The following OR1J2 variants were observed in gnomAD, a reference collection of about 807,000 sequenced individuals.
OR1J2 encodes the protein olfactory receptor family 1 subfamily J member 2.
For missense variants in OR1J2, 304 were observed against 246.1 expected, an observed-to-expected ratio of 1.24 and a Z score of -1.57; for synonymous variants, 142 against 99.7, an observed-to-expected ratio of 1.42 and a Z score of -2.52.
the OR1J2 span, among the ~76,000 whole-genome samples, chr9:122,557,360 T>A: frequency 6.6e-6 from 1 of 152,150 alleles, no homozygotes. Context: ...CTGTAGTTTT[T>A]AAAATAGATA....
the OR1J2 span, among the ~76,000 whole-genome samples, chr9:122,478,309 T>G: frequency 6.6e-6 from 1 of 152,192 alleles, no homozygotes; most frequent in Non-Finnish European, 1.5e-5. Flanking sequence ...AGTCTTATAG[T>G]CACAGCAATA....
At chr9:122,571,035 A>G in the OR1J2 span, among the ~76,000 whole-genome samples, 1 of 152,208 alleles carries the variant, frequency 6.6e-6, no homozygotes, top group African/African-American at 2.4e-5. Flanking sequence ...AGCTATACAT[A>G]TCTTACAATC....
At chr9:122,535,677 G>A in the OR1J2 span, among the ~76,000 whole-genome samples, 8 of 152,168 alleles carry the variant, frequency 5.3e-5, no homozygotes, top group Non-Finnish European at 8.8e-5. Context: ...TCTTTCTCAC[G>A]GAGCAAAAAG....
rs751411248 is a variant in OR1J2, at chr9:122,511,327, C to A, written c.526C>A (p.His176Asn). The change falls in exon 1 of 1, where the codon CAT becomes AAT. Residue 176 changes from histidine to asparagine, a missense_variant. Physicochemically the swap from His to Asn is moderately conservative, Grantham distance 68. Transcript: ENST00000335302. ...LSFCAANTIPHVFCDLAALLK... is the reference protein window; with the variant it reads ...LSFCAANTIPNVFCDLAALLK... ...TTTCTGTGCTGCGAACACCATCCCC[C>A]ATGTCTTCTGTGACCTTGCTGCCCT... 1 of 728,570 alleles carries A rather than the reference C, an allele frequency of 1.4e-6. No homozygotes were observed. Among genetic ancestry groups the A allele is most frequent in the African/African-American group, 1.7e-5 (1 of 57,666 alleles). 45.1% of individuals were successfully genotyped at this position (728,570 alleles called of 1,614,324 possible). A position where few individuals can be genotyped will look rare whatever the true frequency, so the allele number is the denominator to read the frequency against.
the OR1J2 span, among the ~76,000 whole-genome samples, chr9:122,484,789 T>C: frequency 6.6e-6 from 1 of 151,938 alleles, no homozygotes; most frequent in Non-Finnish European, 1.5e-5. Flanking sequence ...TCCTAACACT[T>C]TGGGAGGCTG....
the OR1J2 span, among the ~76,000 whole-genome samples, chr9:122,465,198 A>C: frequency 1.3e-5 from 2 of 152,152 alleles, no homozygotes; most frequent in African/African-American, 4.8e-5. Flanking sequence ...CAGTCTCAAG[A>C]AAAATTTTGC....
the OR1J2 span, among the ~76,000 whole-genome samples, chr9:122,517,809 C>G: frequency 6.6e-6 from 1 of 151,988 alleles, no homozygotes; most frequent in Non-Finnish European, 1.5e-5. Context: ...CTGCACCTAT[C>G]AACCCCATCA....
At chr9:122,487,825 C>T in the OR1J2 span, among the ~76,000 whole-genome samples, 2 of 152,092 alleles carry the variant, frequency 1.3e-5, no homozygotes, top group African/African-American at 4.8e-5. Context: ...TTGCCGGACA[C>T]CAAGGACAGT....
chr9:122,488,131 T>C, the OR1J2 span, among the ~76,000 whole-genome samples: 1 of 152,066 alleles, frequency 6.6e-6, no homozygotes, highest in Non-Finnish European at 1.5e-5. Flanking sequence ...GTTTTTTGTT[T>C]GTTTGTTTTG....
the OR1J2 span, among the ~76,000 whole-genome samples, chr9:122,489,802 G>A: frequency 6.6e-6 from 1 of 152,066 alleles, no homozygotes; most frequent in Non-Finnish European, 1.5e-5. Context: ...CTCAGTTGTA[G>A]GAAAATACCC....
At chr9:122,518,875 G>A in the OR1J2 span, among the ~76,000 whole-genome samples, 3 of 152,158 alleles carry the variant, frequency 2.0e-5, no homozygotes, top group East Asian at 3.8e-4. Context: ...CTGCTAATAC[G>A]GTGTGAAGCT....
At chr9:122,448,362 C>T in the OR1J2 span, among the ~76,000 whole-genome samples, 1 of 152,184 alleles carries the variant, frequency 6.6e-6, no homozygotes, top group South Asian at 2.1e-4. Flanking sequence ...CAGTTTTTCT[C>T]CTACCTCAGA....
At chr9:122,476,486 A>C in the OR1J2 span, among the ~76,000 whole-genome samples, 2 of 152,204 alleles carry the variant, frequency 1.3e-5, no homozygotes, top group African/African-American at 2.4e-5. Flanking sequence ...AGAGCAAACA[A>C]AGTCCTATAC....
At chr9:122,526,301 G>T in the OR1J2 span, 1 of 1,084,766 alleles carries the variant, frequency 9.2e-7, no homozygotes, top group African/African-American at 1.6e-5. Flanking sequence ...CCAAAATGAA[G>T]CCCGTTTGTC....
At chr9:122,554,927 GATAA>G in the OR1J2 span, among the ~76,000 whole-genome samples, 5 of 152,006 alleles carry the variant, frequency 3.3e-5, no homozygotes, top group Admixed American at 3.3e-4. Context: ...AATCAAAAAT[GATAA>G]ATCAAGCATG....
the OR1J2 span, chr9:122,520,171 C>A: frequency 1.1e-6 from 1 of 880,540 alleles, no homozygotes; most frequent in Non-Finnish European, 1.7e-6. Flanking sequence ...GATAAGTGCT[C>A]AGTAACTCTC....
chr9:122,579,191 G>A, the OR1J2 span, among the ~76,000 whole-genome samples: 3 of 151,924 alleles, frequency 2.0e-5, no homozygotes, highest in Admixed American at 6.6e-5. Flanking sequence ...ATTGACTATT[G>A]TGTGGACTAA....
the OR1J2 span, among the ~76,000 whole-genome samples, chr9:122,577,518 CAAG>C: frequency 6.6e-6 from 1 of 152,112 alleles, no homozygotes; most frequent in Non-Finnish European, 1.5e-5. Flanking sequence ...CAAAAGAATA[CAAG>C]GTTCAGTAAG....
the OR1J2 span, among the ~76,000 whole-genome samples, chr9:122,450,879 T>G: frequency 6.6e-6 from 1 of 152,200 alleles, no homozygotes; most frequent in South Asian, 2.1e-4. Flanking sequence ...TTATTTCACT[T>G]AATATAATGT....
Sources: allele counts gnomAD v4.1 joint callset (sites outside exome capture counted in the v4.1 genomes callset), GRCh38; gene constraint gnomAD v4.1.1; transcripts MANE v1.5; gene names NCBI Gene and HGNC (gene_info 2026-07-23, HGNC 2026-07-21).